PLA2R1: variants seen among roughly 807,000 people sequenced by gnomAD.
The protein encoded by PLA2R1 is secretory phospholipase A2 receptor.
PLA2R1 carries 158 observed loss-of-function variants against 195.9 expected under a neutral mutation model. The observed-to-expected ratio is 0.81, with a 90% CI of 0.71 to 0.92. The LOEUF (loss-of-function observed/expected upper bound fraction) is 0.92, where lower values mean the gene tolerates loss of function less well. Among genes scored for constraint, PLA2R1 ranks in the 40% least tolerant of loss-of-function variants. PLA2R1 has a pLI of 0.00. For missense variants in PLA2R1, 1,626 were observed against 1,764.6 expected (o/e 0.92, Z 1.41); for synonymous variants, 586 against 598.2 (o/e 0.98, Z 0.30).
At chr2:160,015,679 T>C (rs1463698161) in intron 9 of PLA2R1, among the ~76,000 whole-genome samples, 1 of 152,206 alleles carries the variant, frequency 6.6e-6, no homozygotes, top group Non-Finnish European at 1.5e-5. Context: ...CAGCTATAAC[T>C]AATTCAGAGA....
intron 3 of PLA2R1, among the ~76,000 whole-genome samples, chr2:160,036,910 G>A (rs1694199437): frequency 1.3e-5 from 2 of 152,128 alleles, no homozygotes; most frequent in Admixed American, 6.5e-5. Context: ...GGGAGGTGGC[G>A]AATTCTTCTT....
chr2:159,946,211 G>A (rs1574643316), intron 27 of PLA2R1: 2 of 931,578 alleles, frequency 2.1e-6, no homozygotes, highest in Non-Finnish European at 2.6e-6. Context: ...TCTAAACAAT[G>A]TTGGTGATTA....
intron 28 of PLA2R1, among the ~76,000 whole-genome samples, chr2:159,943,907 A>G (rs949771376): frequency 7.9e-5 from 12 of 151,772 alleles, no homozygotes; most frequent in African/African-American, 2.7e-4. Context: ...CCCAGCTCAA[A>G]TCAGTCAACA....
chr2:160,004,804 T>C (rs1347354775), intron 11 of PLA2R1, among the ~76,000 whole-genome samples: 1 of 152,128 alleles, frequency 6.6e-6, no homozygotes, highest in Non-Finnish European at 1.5e-5. Flanking sequence ...GCGGAAGACA[T>C]CAGCTTCTCT....
At chr2:159,987,461 G>T (rs1690435058) in intron 11 of PLA2R1, 103 bp from the exon 12 acceptor site, 1 of 770,690 alleles carries the variant, frequency 1.3e-6, no homozygotes, top group Admixed American at 2.3e-5. Flanking sequence ...TCATAATTAA[G>T]CACCCAGACA....
chr2:159,936,285 T>C lies in PLA2R1; in HGVS notation c.*5493A>G, dbSNP rs1281816655. On this transcript the variant is annotated 3_prime_UTR_variant, in exon 30 of 30. Transcript: ENST00000283243. ...ATTTTTTAAGAAGTCCCTGTGAACATAGGCTCTAAGTATTACACATTTTCT... is the reference window on the plus strand; with the variant it reads ...ATTTTTTAAGAAGTCCCTGTGAACACAGGCTCTAAGTATTACACATTTTCT... 3.9e-5 allele frequency: 6 copies of C among 152,180 alleles called. No individual in the cohort carries two copies. Among genetic ancestry groups the C allele is most frequent in the Non-Finnish European group, 8.8e-5 (6 of 68,044 alleles). 9.4% of individuals were successfully genotyped at this position (152,180 alleles called of 1,614,324 possible).
At chr2:159,963,145 T>C (rs1274264083) in intron 20 of PLA2R1, among the ~76,000 whole-genome samples, 1 of 152,212 alleles carries the variant, frequency 6.6e-6, no homozygotes, top group Non-Finnish European at 1.5e-5. Flanking sequence ...GGAGATTAGC[T>C]AGGCATTCCT....
rs144416180 is a variant in PLA2R1 at position 159,976,718 on chromosome 2, C to T, written c.2404G>A (p.Val802Met). ...REWICKIPRD[V>M]KPKIPFWYQY... ...TACCAGAACGGAATCTTGGGTTTCACATCTGCAAAGTGAAAGCAAATCACT... is the reference window on the plus strand; with the variant it reads ...TACCAGAACGGAATCTTGGGTTTCATATCTGCAAAGTGAAAGCAAATCACT... Residue 802 changes from valine (V) to methionine (M), a missense_variant and splice_region_variant, in exon 16 of 30, where the codon GTG becomes ATG. Val to Met is a conservative substitution (Grantham distance 21, BLOSUM62 1). Coordinates refer to ENST00000283243, the MANE Select transcript of PLA2R1 (RefSeq NM_007366.5). The T allele has an allele frequency of 2.9e-5, 47 of 1,610,362 alleles. No homozygotes were observed. The African/African-American group carries it at 5.5e-4, about 19-fold the overall frequency.
At chr2:159,956,480 C>A (rs199637181) in intron 21 of PLA2R1, 30 bp downstream of exon 21, 15 of 1,147,288 alleles carry the variant, frequency 1.3e-5, no homozygotes, top group Non-Finnish European at 2.0e-5. Flanking sequence ...AAATGGTTAT[C>A]TTGGCCTGGT....
At chr2:159,979,711 T>C (rs1008401092) in intron 14 of PLA2R1, 119 bp downstream of exon 14, 3 of 596,766 alleles carry the variant, frequency 5.0e-6, no homozygotes, top group Non-Finnish European at 9.1e-6. Flanking sequence ...TAAGGTCTGG[T>C]GCAGTTTTGT....
intron 20 of PLA2R1, among the ~76,000 whole-genome samples, chr2:159,967,105 C>T (rs185223862): frequency 7.2e-5 from 11 of 152,194 alleles, no homozygotes; most frequent in East Asian, 3.9e-4. Context: ...GAGTCTGGGT[C>T]CTCTGAAATT....
chr2:159,969,125 A>G, intron 19 of PLA2R1, 131 bp downstream of exon 19: 1 of 585,676 alleles, frequency 1.7e-6, no homozygotes, highest in South Asian at 2.1e-5. Context: ...ATGGCAGACA[A>G]AACTGAACAC....
At chr2:159,978,623 C>T (rs557943035) in intron 14 of PLA2R1, among the ~76,000 whole-genome samples, 10 of 152,236 alleles carry the variant, frequency 6.6e-5, no homozygotes, top group East Asian at 1.9e-4. Flanking sequence ...ATTTCTTTTT[C>T]GAGTGCTACA....
At chr2:160,061,747 C>T (rs1307015333) in intron 1 of PLA2R1, among the ~76,000 whole-genome samples, 2 of 152,128 alleles carry the variant, frequency 1.3e-5, no homozygotes, top group Non-Finnish European at 2.9e-5. Context: ...TACACTACAG[C>T]CTGGGCGACA....
intron 20 of PLA2R1, among the ~76,000 whole-genome samples, chr2:159,965,932 A>T (rs962786187): frequency 6.6e-6 from 1 of 152,194 alleles, no homozygotes; most frequent in East Asian, 1.9e-4. Context: ...CAGGCATAGG[A>T]AAGGGGCAAG....
At chr2:160,017,956 G>T (rs1181083090) in intron 8 of PLA2R1, among the ~76,000 whole-genome samples, 1 of 152,180 alleles carries the variant, frequency 6.6e-6, no homozygotes. Flanking sequence ...GTTAAGAACT[G>T]TTAGATGAAT....
chr2:160,026,176 AAAC>A (rs879922032), intron 6 of PLA2R1, among the ~76,000 whole-genome samples: 16 of 152,230 alleles, frequency 1.1e-4, no homozygotes, highest in East Asian at 1.9e-4. Flanking sequence ...TAAAAAAGTA[AAAC>A]AACAACAACA....
In PLA2R1 at chr2:160,062,413, C is replaced by T; in HGVS notation, c.-10G>A. The stretch of plus-strand genomic sequence containing the variant: ...ACGGCGACAGCAGCATCGCTAACCA[C>T]TGGGCTCTCCGGGAGCCCCTTGTCC... On this transcript the variant is annotated 5_prime_UTR_variant, in exon 1 of 30. It adds an upstream start codon to the 5' untranslated region. Coordinates refer to ENST00000283243, the MANE Select transcript of PLA2R1 (RefSeq NM_007366.5). 6.5e-7 allele frequency: 1 copy of T among 1,535,282 alleles called. No homozygotes were observed. Among genetic ancestry groups the T allele is most frequent in the Non-Finnish European group, 8.8e-7 (1 of 1,140,786 alleles).
chr2:160,042,276 T>A (rs1694571346), intron 2 of PLA2R1, 78 bp from the exon 3 acceptor site: 1 of 1,261,332 alleles, frequency 7.9e-7, no homozygotes, highest in Non-Finnish European at 1.1e-6. Context: ...ATCGAAAGCA[T>A]TTTTTATGGA....
Sources: gnomAD v4.1 joint callset for allele counts (sites outside exome capture counted in the v4.1 genomes callset) on GRCh38, gnomAD v4.1.1 for gene constraint, MANE v1.5 for transcripts, NCBI Gene and HGNC (gene_info 2026-07-23, HGNC 2026-07-21) for gene names.